The following FA2H variants were observed in gnomAD, a reference collection of about 807,000 sequenced individuals.
FA2H encodes fatty acid 2-hydroxylase.
FA2H carries 22 observed loss-of-function variants against 44.9 expected under a neutral mutation model. The observed-to-expected ratio is 0.49, with a 90% confidence interval of 0.35 to 0.70. The LOEUF (loss-of-function observed/expected upper bound fraction) is 0.70, where lower values mean the gene tolerates loss of function less well. Among genes scored for constraint, FA2H ranks in the 30% least tolerant of loss-of-function variants. The pLI is 0.01. For missense variants in FA2H, 501 were observed against 504.9 expected (o/e 0.99, Z 0.07); for synonymous variants, 243 against 213.2 (o/e 1.14, Z -1.22).
At chr16:74,714,293 G>A (rs1326412620) in intron 6 of FA2H, 24 bp from the exon 7 acceptor site, 7 of 1,471,388 alleles carry the variant, frequency 4.8e-6, no homozygotes, top group Non-Finnish European at 5.6e-6. Context: ...CAAACGGGGA[G>A]AAGATGAGGC....
At position 74,713,974 on chromosome 16, in the gene FA2H, G is replaced by A. The variant is rs933562959; in HGVS notation, c.*216C>T. On this transcript the variant is annotated 3_prime_UTR_variant, in exon 7 of 7. Coordinates refer to ENST00000219368, the MANE Select transcript of FA2H (RefSeq NM_024306.5). ...CTCCAGGAAGAAGTGGGTCACCAAG[G>A]GCCACCTGGCCACCAAGTGGATGTG... is the stretch of plus-strand genomic sequence containing the variant. 5.2e-6 allele frequency: 3 copies of A among 572,700 alleles called. No homozygotes were observed. The highest frequency in any genetic ancestry group is 3.8e-5 in the African/African-American group (2 of 53,318). 35.5% of individuals were successfully genotyped at this position (572,700 alleles called of 1,614,324 possible). A position where few individuals can be genotyped will look rare whatever the true frequency, so the allele number is the denominator to read the frequency against.
intron 1 of FA2H, among the ~76,000 whole-genome samples, chr16:74,744,738 C>A (rs945633534): frequency 6.6e-6 from 1 of 152,112 alleles, no homozygotes; most frequent in Non-Finnish European, 1.5e-5. Context: ...AGGTGTGCAC[C>A]ACCATGTCCA....
chr16:74,734,700 C>A (rs1962147177), intron 2 of FA2H, among the ~76,000 whole-genome samples: 1 of 152,186 alleles, frequency 6.6e-6, no homozygotes, highest in African/African-American at 2.4e-5. Flanking sequence ...CCCCAGGACC[C>A]CTCCTCCTGG....
intron 2 of FA2H, among the ~76,000 whole-genome samples, chr16:74,727,708 C>A (rs1007804292): frequency 6.6e-6 from 1 of 152,210 alleles, no homozygotes; most frequent in South Asian, 2.1e-4. Flanking sequence ...GAAGATGCCA[C>A]CAGCACAGAA....
chr16:74,718,744 G>A (rs930623502), intron 5 of FA2H, among the ~76,000 whole-genome samples: 4 of 152,232 alleles, frequency 2.6e-5, no homozygotes, highest in Non-Finnish European at 5.9e-5. Flanking sequence ...AGGATTAAAG[G>A]TGATGCGTAA....
rs752720675 is a variant in FA2H, at chr16:74,761,463, AAAGAAAGAAAGAAAG to A, written c.270+13008_270+13022del. Among the ~76,000 whole-genome samples the A allele has an allele frequency of 1.8e-3, 195 of 107,894 alleles. 2 individuals carry two copies. Among genetic ancestry groups the A allele is most frequent in the Non-Finnish European group, 3.1e-4 (14 of 44,956 alleles). The allele number at this position is 107,894 out of a possible 152,430, so 70.8% of individuals were successfully genotyped here. ...GCAAGACTCTGTCTCAAAAAAAAAGAAAGAAAGAAAGAAAGAAAGAAAGAAAAACGTAGATCACTA... is the reference window on the plus strand; with the variant it reads ...GCAAGACTCTGTCTCAAAAAAAAAGAAAAGAAAGAAAAACGTAGATCACTA... On this transcript the variant is annotated intron_variant, in intron 1 of 6. Transcript: ENST00000219368.
chr16:74,719,553 G>A (rs1234836886), intron 4 of FA2H, among the ~76,000 whole-genome samples: 5 of 151,914 alleles, frequency 3.3e-5, no homozygotes, highest in African/African-American at 4.8e-5. Context: ...TCTCTGTGTC[G>A]CCCAGGTTGG....
intron 2 of FA2H, among the ~76,000 whole-genome samples, chr16:74,728,565 A>C (rs1962003110): frequency 6.6e-6 from 1 of 152,096 alleles, no homozygotes; most frequent in African/African-American, 2.4e-5. Flanking sequence ...TGTGGGCAGC[A>C]GGAAAAAAGC....
chr16:74,722,949 C>T (rs944258856), intron 4 of FA2H, among the ~76,000 whole-genome samples: 4 of 150,470 alleles, frequency 2.7e-5, no homozygotes, highest in African/African-American at 4.9e-5. Context: ...TCTTCTGCCC[C>T]AAACCACCAG....
chr16:74,726,198 G>T, intron 4 of FA2H, 27 bp downstream of exon 4: 1 of 1,515,662 alleles, frequency 6.6e-7, no homozygotes, highest in Non-Finnish European at 9.2e-7. Context: ...GATCCTCAGG[G>T]CAAGTCAGGA....
chr16:74,745,277 A>C (rs1196833200), intron 1 of FA2H, among the ~76,000 whole-genome samples: 1 of 152,214 alleles, frequency 6.6e-6, no homozygotes, highest in Non-Finnish European at 1.5e-5. Flanking sequence ...AGCACCGTGC[A>C]CTAGAGACCC....
chr16:74,727,227 C>G lies in FA2H; in HGVS notation c.506+17G>C. Reference sequence around the variant, plus strand: ...GAAGAGAGGGACAGCCTGCCACAGGCTCAGGGAAGAGCTCACCAGACAGTC... The same window carrying G: ...GAAGAGAGGGACAGCCTGCCACAGGGTCAGGGAAGAGCTCACCAGACAGTC... On this transcript the variant is annotated intron_variant, in intron 3 of 6. Coordinates refer to ENST00000219368, the MANE Select transcript of FA2H (RefSeq NM_024306.5). 1 of 1,613,932 alleles carries G rather than the reference C, an allele frequency of 6.2e-7. No homozygotes were observed. Among genetic ancestry groups the G allele is most frequent in the Non-Finnish European group, 8.5e-7 (1 of 1,180,034 alleles).
In FA2H at chr16:74,714,225, G is replaced by A. The variant is rs2144598918; in HGVS notation, c.1084C>T (p.Leu362Phe). ...TTCAGGTGGGGTTTCTCTGGAGTGA[G>A]GGTGTGGAAACAGTAATCCCACAAT... Reference protein sequence around the residue: ...TKLWDYCFHTLTPEKPHLKTQ With the variant: ...TKLWDYCFHTFTPEKPHLKTQ The change falls in exon 7 of 7, where the codon CTC (leucine) becomes TTC (phenylalanine). Residue 362 changes from leucine to phenylalanine, a missense_variant. Transcript: ENST00000219368. 4 of 1,566,434 alleles carry A rather than the reference G, an allele frequency of 2.6e-6. No individual in the cohort carries two copies. Among genetic ancestry groups the A allele is most frequent in the Non-Finnish European group, 3.5e-6 (4 of 1,155,076 alleles).
chr16:74,766,642 A>AG (rs11300628), intron 1 of FA2H, among the ~76,000 whole-genome samples: 3,581 of 150,828 alleles, frequency 0.024, 70 homozygotes, highest in African/African-American at 0.051. Flanking sequence ...AGGAAAACTA[A>AG]GGGGGGGGGC....
chr16:74,716,412 T>G lies in FA2H; in HGVS notation c.974A>C (p.Lys325Thr), dbSNP rs775170242. 2.5e-6 allele frequency: 4 copies of G among 1,614,014 alleles called. No homozygotes were observed. The South Asian group carries it at 4.4e-5, about 18-fold the overall frequency. The change falls in exon 6 of 7, where the codon AAG (lysine) becomes ACG (threonine). Residue 325 changes from lysine to threonine, a missense_variant. By Grantham distance (78) the Lys-to-Thr change is moderately conservative. Transcript: ENST00000219368. ...HYYLHFGSPHKGSYLYSLKAH... is the reference protein window; with the variant it reads ...HYYLHFGSPHTGSYLYSLKAH... The stretch of plus-strand genomic sequence containing the variant: ...CTTCAGGCTGTACAGGTAGGAGCCC[T>G]TGTGCGGCGAGCCAAAGTGCAGGTA...
intron 1 of FA2H, among the ~76,000 whole-genome samples, chr16:74,773,320 T>G (rs905095065): frequency 2.6e-5 from 4 of 151,442 alleles, no homozygotes; most frequent in African/African-American, 9.7e-5. Context: ...CTCTTCCTAT[T>G]GTTCTTAATT....
chr16:74,770,968 C>T (rs1253463162), intron 1 of FA2H, among the ~76,000 whole-genome samples: 2 of 152,138 alleles, frequency 1.3e-5, no homozygotes, highest in African/African-American at 4.8e-5. Context: ...CAAGGCAAAC[C>T]ATGGTGCTAG....
intron 1 of FA2H, among the ~76,000 whole-genome samples, chr16:74,757,199 G>T (rs1962627475): frequency 6.6e-6 from 1 of 152,140 alleles, no homozygotes; most frequent in South Asian, 2.1e-4. Flanking sequence ...TAAAGGACAT[G>T]AAAAGGCAGT....
At chr16:74,748,887 C>A (rs1962478840) in intron 1 of FA2H, among the ~76,000 whole-genome samples, 1 of 152,152 alleles carries the variant, frequency 6.6e-6, no homozygotes, top group African/African-American at 2.4e-5. Flanking sequence ...GCCTGAAAAC[C>A]CTTTTTCTGA....
Sources: allele counts gnomAD v4.1 joint callset (sites outside exome capture counted in the v4.1 genomes callset), GRCh38; gene constraint gnomAD v4.1.1; transcripts MANE v1.5; gene names NCBI Gene and HGNC (gene_info 2026-07-23, HGNC 2026-07-21).